CDKAL1: variants seen among roughly 807,000 people sequenced by gnomAD.
The protein encoded by CDKAL1 is threonylcarbamoyladenosine tRNA methylthiotransferase.
Under a neutral mutation model 68.2 loss-of-function variants are expected in CDKAL1, and 32 were observed. That is an observed-to-expected ratio of 0.47 (90% CI 0.35 to 0.63). CDKAL1 has a LOEUF of 0.63. CDKAL1 is among the 30% of genes least tolerant of loss of function. The pLI, the probability that CDKAL1 is intolerant of heterozygous loss-of-function variation, is 0.00. For missense variants in CDKAL1, 606 were observed against 696.7 expected, an observed-to-expected ratio of 0.87 and a Z score of 1.47; for synonymous variants, 234 against 244.3, an observed-to-expected ratio of 0.96 and a Z score of 0.39.
chr6:20,689,732 T>C (rs1322102623), intron 5 of CDKAL1, among the ~76,000 whole-genome samples: 1 of 152,214 alleles, frequency 6.6e-6, no homozygotes, highest in East Asian at 1.9e-4. Context: ...AGAAATTTCA[T>C]GTATCTGTGC....
intron 11 of CDKAL1, among the ~76,000 whole-genome samples, chr6:21,001,006 C>G (rs780586854): frequency 3.5e-4 from 53 of 152,266 alleles, no homozygotes; most frequent in Middle Eastern, 3.4e-3. Context: ...TCTTCAAAAC[C>G]CTGCTCCTCA....
chr6:20,564,227 C>G lies in CDKAL1; in HGVS notation c.286+15522C>G, dbSNP rs1290638283. On this transcript the variant is annotated intron_variant, in intron 4 of 15. Coordinates refer to ENST00000274695, the MANE Select transcript of CDKAL1 (RefSeq NM_017774.3). ...TTTGAGTCTGTCCTGTGCAACATAG[C>G]AAGACCCCATCTCCAAAAAAGCTAA... Among the ~76,000 whole-genome samples the G allele has an allele frequency of 3.3e-5, 5 of 152,152 alleles. No individual in the cohort carries two copies. The East Asian group carries it at 9.6e-4, about 29-fold the overall frequency.
chr6:20,700,364 A>T (rs1771290409), intron 5 of CDKAL1, among the ~76,000 whole-genome samples: 2 of 150,880 alleles, frequency 1.3e-5, no homozygotes, highest in African/African-American at 5.0e-5. Flanking sequence ...TCAAAAAAAA[A>T]AAAAAAAATA....
At chr6:20,930,905 C>T (rs541952249) in intron 9 of CDKAL1, among the ~76,000 whole-genome samples, 6 of 152,034 alleles carry the variant, frequency 3.9e-5, no homozygotes, top group African/African-American at 4.8e-5. Flanking sequence ...CCACCGCGCC[C>T]GGCTAATTTT....
At chr6:20,694,044 GTGTGTGTGTGTGTGTGTA>G (rs1477638276) in intron 5 of CDKAL1, among the ~76,000 whole-genome samples, 118 of 74,322 alleles carry the variant, frequency 1.6e-3, no homozygotes, top group Non-Finnish European at 2.0e-3. Context: ...GGCTAACTTT[GTGTGTGTGTGTGTGTGTA>G]TGTGTGTGTG....
intron 4 of CDKAL1, among the ~76,000 whole-genome samples, chr6:20,583,786 C>CT (rs1368709645): frequency 1.4e-5 from 2 of 147,936 alleles, no homozygotes; most frequent in Non-Finnish European, 3.0e-5. Context: ...GTAAAAGCGC[C>CT]CCCCCCCACT....
At chr6:20,946,393 T>C (rs903679629) in intron 9 of CDKAL1, among the ~76,000 whole-genome samples, 5 of 152,196 alleles carry the variant, frequency 3.3e-5, no homozygotes, top group African/African-American at 1.2e-4. Flanking sequence ...TTTGTGTCAT[T>C]GTGAGTCTTC....
chr6:20,999,663 T>TAAAAAAAAAAAAAAAAAAAAAAAAA, intron 10 of CDKAL1, among the ~76,000 whole-genome samples: 1 of 93,400 alleles, frequency 1.1e-5, no homozygotes, highest in Non-Finnish European at 2.0e-5. Flanking sequence ...TGACTGAAAT[T>TAAAAAAAAAAAAAAAAAAAAAAAAA]AAAAAAAAAA....
chr6:20,606,477 C>G (rs545361639), intron 4 of CDKAL1, among the ~76,000 whole-genome samples: 1 of 152,190 alleles, frequency 6.6e-6, no homozygotes, highest in South Asian at 2.1e-4. Context: ...TGTAGAATTT[C>G]AAGAAGGTAA....
chr6:21,031,660 G>A (rs1336775948), intron 11 of CDKAL1, among the ~76,000 whole-genome samples: 1 of 152,048 alleles, frequency 6.6e-6, no homozygotes, highest in Non-Finnish European at 1.5e-5. Context: ...TTGGGAGTGA[G>A]TAGAACTCGA....
chr6:20,563,213 TA>T (rs1381817723), intron 4 of CDKAL1, among the ~76,000 whole-genome samples: 6 of 152,206 alleles, frequency 3.9e-5, no homozygotes, highest in Non-Finnish European at 7.3e-5. Context: ...TCATTGAGAA[TA>T]TTTTTTTTCT....
intron 8 of CDKAL1, among the ~76,000 whole-genome samples, chr6:20,823,576 C>G (rs1378607160): frequency 6.6e-6 from 1 of 152,096 alleles, no homozygotes; most frequent in Non-Finnish European, 1.5e-5. Flanking sequence ...GAGGCTGAAG[C>G]AAATCTGACT....
At chr6:20,706,355 C>A (rs1771595413) in intron 5 of CDKAL1, among the ~76,000 whole-genome samples, 1 of 152,156 alleles carries the variant, frequency 6.6e-6, no homozygotes. Flanking sequence ...AACTTCTTTT[C>A]TTTACTTTAG....
intron 5 of CDKAL1, among the ~76,000 whole-genome samples, chr6:20,723,966 T>G (rs1299301570): frequency 6.6e-6 from 1 of 152,192 alleles, no homozygotes; most frequent in South Asian, 2.1e-4. Flanking sequence ...AGGGTCTTAC[T>G]CTGTCGCTCA....
At chr6:21,132,458 T>TA (rs1373019277) in intron 13 of CDKAL1, among the ~76,000 whole-genome samples, 3 of 151,416 alleles carry the variant, frequency 2.0e-5, no homozygotes. Context: ...GCTGAAATTT[T>TA]AAAAATCTCT....
chr6:20,666,314 A>G (rs1769541558), intron 5 of CDKAL1, among the ~76,000 whole-genome samples: 1 of 151,196 alleles, frequency 6.6e-6, no homozygotes, highest in Non-Finnish European at 1.5e-5. Context: ...TCCTGAGAGT[A>G]TGGGGAACTG....
chr6:20,726,072 G>C (rs547164352), intron 5 of CDKAL1, among the ~76,000 whole-genome samples: 15 of 151,924 alleles, frequency 9.9e-5, no homozygotes, highest in South Asian at 2.1e-4. Context: ...TTTTATAGGG[G>C]GGAGTATTTG....
intron 4 of CDKAL1, among the ~76,000 whole-genome samples, chr6:20,636,932 GAGGCTGAGACTGGAGA>G (rs1444479587): frequency 2.0e-5 from 3 of 151,808 alleles, no homozygotes; most frequent in Non-Finnish European, 4.4e-5. Flanking sequence ...AGCTACTCGG[GAGGCTGAGACTGGAGA>G]ATTGCTTGAA....
At chr6:20,759,729 C>A (rs1217303678) in intron 7 of CDKAL1, among the ~76,000 whole-genome samples, 1 of 152,152 alleles carries the variant, frequency 6.6e-6, no homozygotes, top group African/African-American at 2.4e-5. Context: ...AGCCAACACT[C>A]ACTGACATAG....
Sources: allele counts gnomAD v4.1 joint callset (sites outside exome capture counted in the v4.1 genomes callset), GRCh38; gene constraint gnomAD v4.1.1; transcripts MANE v1.5; gene names NCBI Gene and HGNC (gene_info 2026-07-23, HGNC 2026-07-21).